Variants in RNF40 observed in about 807,000 individuals in gnomAD.
RNF40 encodes E3 ubiquitin-protein ligase BRE1B.
A neutral mutation model predicts 123.3 loss-of-function variants in RNF40; 39 were observed. The observed-to-expected ratio is 0.32, with a 90% CI of 0.24 to 0.41. The LOEUF (loss-of-function observed/expected upper bound fraction) is 0.41, where lower values mean the gene tolerates loss of function less well. Among genes scored for constraint, RNF40 ranks in the 10% least tolerant of loss-of-function variants. The pLI, the probability that RNF40 is intolerant of heterozygous loss-of-function variation, is 1.00. For missense variants in RNF40, 1,003 were observed against 1,319.9 expected (o/e 0.76, Z 3.72); for synonymous variants, 538 against 526.0 (o/e 1.02, Z -0.31).
chr16:30,769,650 T>C, intron 17 of RNF40, 50 bp downstream of exon 17: 1 of 1,479,162 alleles, frequency 6.8e-7, no homozygotes, highest in Non-Finnish European at 9.0e-7. Context: ...GCTCACCTCC[T>C]CACCTTCCGG....
At chr16:30,767,748 A>T in intron 11 of RNF40, 146 bp from the exon 12 acceptor site, 2 of 1,002,860 alleles carry the variant, frequency 2.0e-6, no homozygotes, top group Non-Finnish European at 3.0e-6. Context: ...AGCATTATTT[A>T]CTTTGATGAG....
In RNF40 at chr16:30,771,752, G is replaced by C; in HGVS notation, c.2587-81G>C. On this transcript the variant is annotated intron_variant, in intron 17 of 19. Coordinates refer to ENST00000324685, the MANE Select transcript of RNF40 (RefSeq NM_014771.4). The stretch of plus-strand genomic sequence containing the variant: ...GCAGGTGTCACTGGGGCCCTGGACA[G>C]AAGCATTGGTGGGCCGTGACTCCAC... The C allele has an allele frequency of 4.8e-6, 7 of 1,473,402 alleles. No individual in the cohort carries two copies. In the South Asian group the frequency reaches 9.6e-5, roughly 20 times the overall value. The allele number at this position is 1,473,402 out of a possible 1,614,324, so 91.3% of individuals were successfully genotyped here.
chr16:30,776,149 C>T lies in RNF40; in HGVS notation c.*2035C>T, dbSNP rs1255335069. The T allele has an allele frequency of 6.6e-6, 1 of 152,238 alleles. No individual in the cohort carries two copies. The allele number at this position is 152,238 out of a possible 1,614,324, so 9.4% of individuals were successfully genotyped here. ...GCCAGGCCTCCGTAAGCGCGGTCCCCTTCCAGGAGTAGCCTTCGCCTGGGC... is the reference window on the plus strand; with the variant it reads ...GCCAGGCCTCCGTAAGCGCGGTCCCTTTCCAGGAGTAGCCTTCGCCTGGGC... On this transcript the variant is annotated 3_prime_UTR_variant, in exon 20 of 20. Coordinates refer to ENST00000324685, the MANE Select transcript of RNF40 (RefSeq NM_014771.4).
chr16:30,767,835 G>T, intron 11 of RNF40, 59 bp from the exon 12 acceptor site: 1 of 1,612,548 alleles, frequency 6.2e-7, no homozygotes, highest in Non-Finnish European at 8.5e-7. Context: ...CCCACTGAGG[G>T]GTTGGAGTCC....
chr16:30,763,443 T>C lies in RNF40; in HGVS notation c.326T>C (p.Leu109Pro), dbSNP rs150696859. The change falls in exon 4 of 20, where the codon CTC becomes CCC. Residue 109 changes from leucine to proline, a missense_variant. By Grantham distance (98) the Leu-to-Pro change is moderately conservative. Around this residue, in one of 11 missense-constraint regions of RNF40, gnomAD observed 104 missense variants for 85.2 expected, o/e 1.22. Coordinates refer to ENST00000324685, the MANE Select transcript of RNF40 (RefSeq NM_014771.4). Reference protein sequence around the residue: ...AQLDETVEALLRCHESQGELS... With the variant: ...AQLDETVEALPRCHESQGELS... ...CTGGATGAAACTGTGGAAGCCCTTC[T>C]CCGATGCCATGAGAGCCAGGGGGAG... 5 of 1,608,648 alleles carry C rather than the reference T, an allele frequency of 3.1e-6. No homozygotes were observed. Among genetic ancestry groups the C allele is most frequent in the Non-Finnish European group, 4.2e-6 (5 of 1,177,860 alleles).
chr16:30,763,384 G>T (rs757974945), intron 3 of RNF40, 34 bp from the exon 4 acceptor site: 1 of 1,599,118 alleles, frequency 6.3e-7, no homozygotes, highest in South Asian at 1.1e-5. Flanking sequence ...AGCACTAAGG[G>T]ATTCATAACA....
At chr16:30,772,664 G>A (rs1471717282) in intron 19 of RNF40, among the ~76,000 whole-genome samples, 2 of 152,232 alleles carry the variant, frequency 1.3e-5, no homozygotes, top group African/African-American at 4.8e-5. Context: ...ACGCTTGAGC[G>A]GAGGGGTTGC....
At chr16:30,772,994 T>C (rs925866805) in intron 19 of RNF40, among the ~76,000 whole-genome samples, 2 of 152,164 alleles carry the variant, frequency 1.3e-5, no homozygotes, top group Non-Finnish European at 2.9e-5. Context: ...CCTGGTTTCC[T>C]GGTTTGAGAA....
chr16:30,769,887 C>T (rs1202102693), intron 17 of RNF40, among the ~76,000 whole-genome samples: 2 of 152,028 alleles, frequency 1.3e-5, no homozygotes, highest in Non-Finnish European at 2.9e-5. Flanking sequence ...TGCTTGAGGC[C>T]AGGAGTTGGA....
At chr16:30,773,834 G>T (rs1209029634) in intron 19 of RNF40, 104 bp from the exon 20 acceptor site, 1 of 1,141,610 alleles carries the variant, frequency 8.8e-7, no homozygotes, top group Non-Finnish European at 1.3e-6. Context: ...AGGATGAGGT[G>T]CAGTCTCCAG....
chr16:30,764,180 C>T lies in RNF40; in HGVS notation c.444C>T (p.Asp148=), dbSNP rs773072320. The T allele has an allele frequency of 3.1e-6, 5 of 1,607,478 alleles. No homozygotes were observed. In the East Asian group the frequency reaches 9.0e-5, roughly 29 times the overall value. Residue 148 remains aspartate (D), a splice_region_variant and synonymous_variant, in exon 5 of 20, where the codon GAC becomes GAT. Transcript: ENST00000324685. ...TGAGGGTCTGTCCATTCCTTCCAGA[C>T]CCCTTGCTGATGCAGCTGCGGCCCC... ...LPEPGTSELR[D]PLLMQLRPPL...
Position 30,763,399 on chromosome 16 carries a change from T to C in RNF40, c.301-19T>C, listed in dbSNP as rs372661939. 1 of 1,598,330 alleles carries C rather than the reference T, an allele frequency of 6.3e-7. No individual in the cohort carries two copies. Among genetic ancestry groups the C allele is most frequent in the Non-Finnish European group, 8.5e-7 (1 of 1,171,790 alleles). ...AGCACTAAGGGATTCATAACATTTT[T>C]GATGTTTTCTCCTTCCAGCTGGATG... On this transcript the variant is annotated intron_variant, in intron 3 of 19. Coordinates refer to ENST00000324685, the MANE Select transcript of RNF40 (RefSeq NM_014771.4).
At chr16:30,769,136 C>T in intron 15 of RNF40, 50 bp from the exon 16 acceptor site, 4 of 1,602,464 alleles carry the variant, frequency 2.5e-6, no homozygotes, top group Non-Finnish European at 3.4e-6. Flanking sequence ...CCCCCACAGC[C>T]ATCCTGTCCA....
In RNF40 at chr16:30,768,014, A is replaced by T. The variant is rs375382763; in HGVS notation, c.1550A>T (p.Lys517Met). ...CGAGAAGTACAAGCTGAGATTGGCA[A>T]GGTGAGAAGGGGCCTGCCTGGGAAA... The part of the protein sequence containing the change: ...KLREVQAEIG[K>M]LRAQASGSAH... The change falls in exon 12 of 20, where the codon AAG becomes ATG. Residue 517 changes from lysine to methionine, a missense_variant and splice_region_variant. By Grantham distance (95) the Lys-to-Met change is moderately conservative. Around this residue, in one of 11 missense-constraint regions of RNF40, gnomAD observed 295 missense variants for 331.7 expected, o/e 0.89. Transcript: ENST00000324685. This position sits in a 1 kb window ranked among gnomAD's most constrained non-coding sequence, Gnocchi z 4.1. 6.2e-7 allele frequency: 1 copy of T among 1,614,238 alleles called. No homozygotes were observed. Among genetic ancestry groups the T allele is most frequent in the African/African-American group, 1.3e-5 (1 of 75,060 alleles).
chr16:30,773,889 C>A, intron 19 of RNF40, 49 bp from the exon 20 acceptor site: 1 of 1,570,724 alleles, frequency 6.4e-7, no homozygotes, highest in Non-Finnish European at 8.7e-7. Context: ...AGCTTGGGGT[C>A]TGGGCACTGT....
chr16:30,769,735 AT>A, intron 17 of RNF40, 135 bp downstream of exon 17: 1 of 979,160 alleles, frequency 1.0e-6, no homozygotes, highest in Non-Finnish European at 1.5e-6. Context: ...CATATTGAAC[AT>A]TTACATGTGC....
At chr16:30,762,982 A>G (rs542136748) in intron 2 of RNF40, 136 bp from the exon 3 acceptor site, 4 of 1,001,342 alleles carry the variant, frequency 4.0e-6, no homozygotes, top group Non-Finnish European at 5.8e-6. Flanking sequence ...GAGCCTCCTT[A>G]GATTCTGTTA....
rs369742227 is a variant in RNF40 at position 30,771,991 on chromosome 16, G to T, written c.2727+18G>T. The T allele has an allele frequency of 1.3e-6, 2 of 1,586,712 alleles. No homozygotes were observed. The highest frequency in any genetic ancestry group is 1.7e-5 in the Admixed American group (1 of 58,532). The stretch of plus-strand genomic sequence containing the variant: ...GGGCTCAGGTGTGTGCAGGGGTGAG[G>T]GGCCAGGCCAGGGTGGTCCACGGTC... On this transcript the variant is annotated intron_variant, in intron 18 of 19. Transcript: ENST00000324685.
At position 30,766,293 on chromosome 16, in the gene RNF40, G is replaced by C. The variant is rs2054030407; in HGVS notation, c.1113+11G>C. The C allele has an allele frequency of 6.2e-7, 1 of 1,613,966 alleles. No individual in the cohort carries two copies. The highest frequency in any genetic ancestry group is 1.3e-5 in the African/African-American group (1 of 74,946). On this transcript the variant is annotated intron_variant, in intron 9 of 19. Coordinates refer to ENST00000324685, the MANE Select transcript of RNF40 (RefSeq NM_014771.4). This position sits in a 1 kb window ranked among gnomAD's most constrained non-coding sequence, Gnocchi z 5.4. ...AATGAGCGCCTCAAGGTGGGCTGCT[G>C]TAGGGGCTGAGAGGTCCTGGGCCTG...
Sources: allele counts gnomAD v4.1 joint callset (sites outside exome capture counted in the v4.1 genomes callset), GRCh38; gene constraint gnomAD v4.1.1; regional missense constraint gnomAD v4.1.1; non-coding constraint Gnocchi (gnomAD v3.1); transcripts MANE v1.5; gene names NCBI Gene and HGNC (gene_info 2026-07-23, HGNC 2026-07-21).